Variants in NOL4 observed in about 807,000 individuals in gnomAD.
NOL4 encodes nucleolar protein 4, also known as cancer/testis antigen 125.
NOL4 carries 17 observed loss-of-function variants against 75.9 expected under a neutral mutation model. The ratio of observed to expected loss-of-function variants is 0.22; its 90% confidence interval spans 0.15 to 0.34. The LOEUF (loss-of-function observed/expected upper bound fraction) is 0.34. Among genes scored for constraint, NOL4 ranks in the 10% least tolerant of loss-of-function variants. The pLI, the probability that NOL4 is intolerant of heterozygous loss-of-function variation, is 1.00. For missense variants in NOL4, 614 were observed against 793.5 expected (o/e 0.77, Z 2.72); for synonymous variants, 292 against 289.9 (o/e 1.01, Z -0.07).
chr18:34,013,029 G>T (rs192207407), intron 6 of NOL4, among the ~76,000 whole-genome samples: 230 of 152,024 alleles, frequency 1.5e-3, no homozygotes, highest in African/African-American at 5.2e-3. Flanking sequence ...TCGCTGGAAT[G>T]TCTTAAATGG....
chr18:33,967,044 G>T (rs757442129), intron 6 of NOL4, among the ~76,000 whole-genome samples: 10 of 152,162 alleles, frequency 6.6e-5, no homozygotes, highest in South Asian at 2.1e-4. Context: ...AAAAAACAAA[G>T]CCAGAGGCAT....
intron 5 of NOL4, among the ~76,000 whole-genome samples, chr18:34,028,794 A>G (rs2075481985): frequency 6.6e-6 from 1 of 152,228 alleles, no homozygotes; most frequent in African/African-American, 2.4e-5. Flanking sequence ...AGTTGAAACC[A>G]CTAACTTCGT....
intron 1 of NOL4, among the ~76,000 whole-genome samples, chr18:34,165,243 T>TAATAAAATAAAATAA (rs71159860): frequency 3.3e-5 from 5 of 150,506 alleles, no homozygotes; most frequent in African/African-American, 1.2e-4. Flanking sequence ...AGTATAATAA[T>TAATAAAATAAAATAA]AATAAAATAA....
At chr18:34,222,343 T>TG (rs925657278) in intron 1 of NOL4, 183 of 1,039,414 alleles carry the variant, frequency 1.8e-4, no homozygotes, top group Admixed American at 5.2e-4. Flanking sequence ...AGGAAGGGAA[T>TG]GGGGGGGCGG....
At chr18:34,013,983 T>C (rs981261508) in intron 6 of NOL4, among the ~76,000 whole-genome samples, 3 of 151,884 alleles carry the variant, frequency 2.0e-5, no homozygotes, top group African/African-American at 7.3e-5. Context: ...AATCATTAAA[T>C]TGAACCAATA....
chr18:34,130,057 T>A lies in NOL4; in HGVS notation c.265-37A>T. On this transcript the variant is annotated intron_variant, in intron 1 of 10. Transcript: ENST00000261592. ...ACAACAACAACAAAAACCCATAAGA[T>A]TAATAAACTAATTTGCATTTAATAC... 2.0e-6 allele frequency: 3 copies of A among 1,474,484 alleles called. No individual in the cohort carries two copies. The South Asian group carries it at 4.5e-5, about 22-fold the overall frequency. The allele number at this position is 1,474,484 out of a possible 1,614,324, so 91.3% of individuals were successfully genotyped here.
At chr18:34,035,445 C>A (rs575730073) in intron 5 of NOL4, among the ~76,000 whole-genome samples, 18 of 152,044 alleles carry the variant, frequency 1.2e-4, no homozygotes, top group Middle Eastern at 3.4e-3. Flanking sequence ...TATCAAAACT[C>A]ATGGTACATA....
chr18:34,068,975 A>G (rs1032848413), intron 5 of NOL4, among the ~76,000 whole-genome samples: 1 of 152,188 alleles, frequency 6.6e-6, no homozygotes, highest in Non-Finnish European at 1.5e-5. Flanking sequence ...TTTTATAGCA[A>G]TACTCAGAAT....
intron 1 of NOL4, among the ~76,000 whole-genome samples, chr18:34,197,140 G>A (rs1333506358): frequency 6.6e-6 from 1 of 151,922 alleles, no homozygotes; most frequent in African/African-American, 2.4e-5. Context: ...TATAACATGG[G>A]AATTAAGCAG....
intron 5 of NOL4, among the ~76,000 whole-genome samples, chr18:34,085,419 A>T (rs2078200247): frequency 6.6e-6 from 1 of 152,148 alleles, no homozygotes; most frequent in African/African-American, 2.4e-5. Flanking sequence ...CAAAGAACTA[A>T]CCCAGCAGTA....
At chr18:34,029,623 T>C (rs575409567) in intron 5 of NOL4, among the ~76,000 whole-genome samples, 10 of 152,222 alleles carry the variant, frequency 6.6e-5, no homozygotes, top group Middle Eastern at 3.4e-3. Flanking sequence ...TGAGCTTATG[T>C]CTCCCAATTC....
At chr18:34,166,619 C>G (rs1243957985) in intron 1 of NOL4, among the ~76,000 whole-genome samples, 1 of 152,086 alleles carries the variant, frequency 6.6e-6, no homozygotes, top group East Asian at 1.9e-4. Flanking sequence ...TTATAACAAT[C>G]ATGCTGTAAC....
intron 1 of NOL4, among the ~76,000 whole-genome samples, chr18:34,192,143 A>C (rs1398138967): frequency 6.6e-6 from 1 of 152,184 alleles, no homozygotes; most frequent in African/African-American, 2.4e-5. Flanking sequence ...CTGCAAAATC[A>C]AAGAGCTGTC....
chr18:34,201,157 T>G (rs1280378103), intron 1 of NOL4, among the ~76,000 whole-genome samples: 1 of 151,752 alleles, frequency 6.6e-6, no homozygotes, highest in Non-Finnish European at 1.5e-5. Flanking sequence ...GATATTCTGT[T>G]GGTTTTTTAC....
chr18:34,119,812 C>T (rs1383153470), intron 2 of NOL4, among the ~76,000 whole-genome samples: 1 of 151,862 alleles, frequency 6.6e-6, no homozygotes, highest in Non-Finnish European at 1.5e-5. Context: ...TTAGTAGAGA[C>T]GGGGTTTCAC....
At chr18:33,893,164 T>C (rs1400696046) in intron 9 of NOL4, among the ~76,000 whole-genome samples, 3 of 152,154 alleles carry the variant, frequency 2.0e-5, no homozygotes, top group Non-Finnish European at 4.4e-5. Context: ...GGCTCTGGGC[T>C]TATCAATAAA....
chr18:34,221,604 TAA>T (rs11388127), intron 1 of NOL4: 7 of 139,342 alleles, frequency 5.0e-5, no homozygotes, highest in Non-Finnish European at 9.4e-5. Flanking sequence ...AGTACATTGT[TAA>T]AAAAAAAAAA....
intron 9 of NOL4, among the ~76,000 whole-genome samples, chr18:33,909,811 G>A (rs1389135293): frequency 6.6e-6 from 1 of 151,880 alleles, no homozygotes; most frequent in East Asian, 1.9e-4. Flanking sequence ...AGGAAGGATA[G>A]GCAAGAGGAA....
At chr18:33,979,798 A>C (rs1179054463) in intron 6 of NOL4, among the ~76,000 whole-genome samples, 5 of 152,036 alleles carry the variant, frequency 3.3e-5, no homozygotes. Context: ...ACTTATGCAA[A>C]AGCTTTAATT....
Sources: allele counts gnomAD v4.1 joint callset (sites outside exome capture counted in the v4.1 genomes callset), GRCh38; gene constraint gnomAD v4.1.1; transcripts MANE v1.5; gene names NCBI Gene and HGNC (gene_info 2026-07-23, HGNC 2026-07-21).